Variants in DDX60L observed in about 807,000 individuals in gnomAD.
DDX60L encodes DExD/H-box 60 like.
Under a neutral mutation model 211.6 loss-of-function variants are expected in DDX60L, and 191 were observed. The ratio of observed to expected loss-of-function variants is 0.90; its 90% confidence interval spans 0.80 to 1.02. DDX60L has a LOEUF of 1.02. DDX60L is among the 50% of genes least tolerant of loss of function. The pLI is 0.00. For missense variants in DDX60L, 2,007 were observed against 1,984.1 expected, an observed-to-expected ratio of 1.01 and a Z score of -0.22; for synonymous variants, 706 against 694.1, an observed-to-expected ratio of 1.02 and a Z score of -0.27.
rs1738385117 is a variant in DDX60L at position 168,357,692 on chromosome 4, A to T, written c.*455T>A. 1 of 157,828 alleles carries T rather than the reference A, an allele frequency of 6.3e-6. No individual in the cohort carries two copies. Among genetic ancestry groups the T allele is most frequent in the Non-Finnish European group, 1.4e-5 (1 of 72,016 alleles). The allele number at this position is 157,828 out of a possible 1,614,324, so 9.8% of individuals were successfully genotyped here. On this transcript the variant is annotated 3_prime_UTR_variant, in exon 38 of 38. Coordinates refer to ENST00000682922, the MANE Select transcript of DDX60L (RefSeq NM_001012967.3). Reference sequence around the variant, plus strand: ...ACAGCAGTGAGTTTCTTGTAATCTCAGAAGTCTTCTTACATAACTAAATTG... The same window carrying T: ...ACAGCAGTGAGTTTCTTGTAATCTCTGAAGTCTTCTTACATAACTAAATTG...
chr4:168,453,976 TC>T (rs1276458598), intron 7 of DDX60L, among the ~76,000 whole-genome samples: 10 of 152,114 alleles, frequency 6.6e-5, no homozygotes, highest in African/African-American at 2.4e-4. Context: ...GAGACAGTGA[TC>T]CCTAGCCATC....
intron 36 of DDX60L, among the ~76,000 whole-genome samples, chr4:168,367,253 G>A (rs866552667): frequency 7.9e-5 from 12 of 152,234 alleles, no homozygotes; most frequent in Middle Eastern, 3.4e-3. Flanking sequence ...ACCACATGTC[G>A]TGGGAGGAAC....
At chr4:168,443,681 G>A (rs7356425) in intron 9 of DDX60L, among the ~76,000 whole-genome samples, 42,482 of 148,388 alleles carry the variant, frequency 0.29, 6,468 homozygotes, top group African/African-American at 0.4. Context: ...CGGATCTCTC[G>A]GCAGAAACCC....
rs755122153 is a variant in DDX60L at position 168,371,726 on chromosome 4, G to A, written c.4814C>T (p.Ala1605Val). 194 of 1,610,842 alleles carry A rather than the reference G, an allele frequency of 1.2e-4. No homozygotes were observed. Among genetic ancestry groups the A allele is most frequent in the Non-Finnish European group, 1.5e-4 (178 of 1,177,786 alleles). ...TAATTTCCATGGCCACAGCAGAGGA[G>A]CCTGAGTGCCACTAACACCGACTGT... Reference protein sequence around the residue: ...LRTVGVSGTQAPLLWPWKLDN... With the variant: ...LRTVGVSGTQVPLLWPWKLDN... The change falls in exon 36 of 38, where the codon GCT becomes GTT. Residue 1605 changes from alanine (A) to valine (V), a missense_variant. By Grantham distance (64) the Ala-to-Val change is moderately conservative (BLOSUM62 0). Transcript: ENST00000682922.
rs745893190 is a variant in DDX60L, at chr4:168,415,619, T to C, written c.2869+38A>G. The C allele has an allele frequency of 5.5e-6, 8 of 1,455,462 alleles. No homozygotes were observed. The African/African-American group carries it at 8.7e-5, about 16-fold the overall frequency. 90.2% of individuals were successfully genotyped at this position (1,455,462 alleles called of 1,614,324 possible). Reference sequence around the variant, plus strand: ...CTATAAAAAGCTTTGTAGTAAAATATAAAAATATATAGTAAAACATAAAAA... The same window carrying C: ...CTATAAAAAGCTTTGTAGTAAAATACAAAAATATATAGTAAAACATAAAAA... On this transcript the variant is annotated intron_variant, in intron 21 of 37. Transcript: ENST00000682922.
At chr4:168,402,467 T>G (rs1357017976) in intron 25 of DDX60L, among the ~76,000 whole-genome samples, 6 of 152,030 alleles carry the variant, frequency 3.9e-5, no homozygotes. Flanking sequence ...CAATCAGTCA[T>G]GTTTTCTACT....
intron 30 of DDX60L, 97 bp from the exon 31 acceptor site, chr4:168,379,927 G>T: frequency 4.1e-6 from 3 of 736,546 alleles, no homozygotes; most frequent in Non-Finnish European, 6.3e-6. Context: ...TATAGATAAG[G>T]TTACCAGATC....
At chr4:168,449,035 G>A (rs1755257369) in intron 8 of DDX60L, among the ~76,000 whole-genome samples, 2 of 152,048 alleles carry the variant, frequency 1.3e-5, no homozygotes, top group Non-Finnish European at 2.9e-5. Context: ...CCTTAATGTG[G>A]TACTAAAACT....
In DDX60L at chr4:168,358,282, T is replaced by C; in HGVS notation, c.4992-6A>G. 1 of 1,481,862 alleles carries C rather than the reference T, an allele frequency of 6.7e-7. No homozygotes were observed. Among genetic ancestry groups the C allele is most frequent in the Non-Finnish European group, 9.0e-7 (1 of 1,116,234 alleles). The allele number at this position is 1,481,862 out of a possible 1,614,324, so 91.8% of individuals were successfully genotyped here. A position where few individuals can be genotyped will look rare whatever the true frequency, so the allele number is the denominator to read the frequency against. On this transcript the variant is annotated splice_polypyrimidine_tract_variant and splice_region_variant and intron_variant, in intron 37 of 37. Coordinates refer to ENST00000682922, the MANE Select transcript of DDX60L (RefSeq NM_001012967.3). Reference sequence around the variant, plus strand: ...ATAGTTCACTCAAGGAGTCACTGTATAAATGATAATAATAATAAAAAAATA... The same window carrying C: ...ATAGTTCACTCAAGGAGTCACTGTACAAATGATAATAATAATAAAAAAATA...
At chr4:168,364,879 G>A (rs778013449) in intron 36 of DDX60L, among the ~76,000 whole-genome samples, 1 of 151,668 alleles carries the variant, frequency 6.6e-6, no homozygotes, top group Non-Finnish European at 1.5e-5. Flanking sequence ...GAAATGCTCT[G>A]GAAAATTTAC....
Position 168,378,351 on chromosome 4 carries a change from T to C in DDX60L, c.4485+3A>G, listed in dbSNP as rs753748011. 1.2e-5 allele frequency: 17 copies of C among 1,380,836 alleles called. No individual in the cohort carries two copies. In the South Asian group the frequency reaches 1.4e-4, roughly 11 times the overall value. 85.5% of individuals were successfully genotyped at this position (1,380,836 alleles called of 1,614,324 possible). A position where few individuals can be genotyped will look rare whatever the true frequency, so the allele number is the denominator to read the frequency against. On this transcript the variant is annotated splice_donor_region_variant and intron_variant, in intron 33 of 37. Transcript: ENST00000682922. ...ATATCATTGTAAGTATAACAAACTT[T>C]ACCTTTGACTGAGAAAAACTTAAAT...
rs3857035 is a variant in DDX60L at position 168,396,128 on chromosome 4, C to T, written c.3492-4G>A. ...CTTCTTTGGGTTTTTTTTAGTGCTA[C>T]TATTTAAAAAAAAAAAAAAACTTTT... On this transcript the variant is annotated splice_region_variant and splice_polypyrimidine_tract_variant and intron_variant, in intron 26 of 37. Coordinates refer to ENST00000682922, the MANE Select transcript of DDX60L (RefSeq NM_001012967.3). The T allele has an allele frequency of 0.57, 770,046 of 1,351,324 alleles. 223,483 individuals are homozygous for T. The highest frequency in any genetic ancestry group is 0.61 in the East Asian group (23,902 of 39,420). 83.7% of individuals were successfully genotyped at this position (1,351,324 alleles called of 1,614,324 possible). A position where few individuals can be genotyped will look rare whatever the true frequency, so the allele number is the denominator to read the frequency against.
intron 4 of DDX60L, among the ~76,000 whole-genome samples, chr4:168,463,965 T>A (rs570911273): frequency 2.6e-5 from 4 of 152,196 alleles, no homozygotes; most frequent in African/African-American, 9.6e-5. Flanking sequence ...AGTGCCTCTA[T>A]TGATTTGCCA....
At chr4:168,452,481 T>G (rs1443245600) in intron 8 of DDX60L, among the ~76,000 whole-genome samples, 1 of 152,218 alleles carries the variant, frequency 6.6e-6, no homozygotes, top group Non-Finnish European at 1.5e-5. Context: ...CCATTCTCCA[T>G]GATGTGATTA....
chr4:168,430,454 T>A (rs1233607179), intron 13 of DDX60L, 24 bp downstream of exon 13: 2 of 1,542,930 alleles, frequency 1.3e-6, no homozygotes, highest in Admixed American at 2.2e-5. Context: ...AAGAAAAAAA[T>A]TAGGTAAAAT....
rs1357567265 is a variant in DDX60L, at chr4:168,423,712, C to T, written c.1993G>A (p.Glu665Lys). Reference protein sequence around the residue: ...QMMKRIHSLLERYPEILEAEH... With the variant: ...QMMKRIHSLLKRYPEILEAEH... ...GCTTCCAAAATTTCTGGGTATCTCT[C>T]CAGGAGTGAATGAATCCTTTTCATC... Residue 665 changes from glutamate (E) to lysine (K), a missense_variant, in exon 15 of 38, where the codon GAG becomes AAG. Coordinates refer to ENST00000682922, the MANE Select transcript of DDX60L (RefSeq NM_001012967.3). The T allele has an allele frequency of 1.9e-6, 3 of 1,607,242 alleles. No individual in the cohort carries two copies. The African/African-American group carries it at 4.0e-5, about 22-fold the overall frequency.
At chr4:168,477,896 CT>C (rs1179588935) in intron 1 of DDX60L, among the ~76,000 whole-genome samples, 1 of 152,098 alleles carries the variant, frequency 6.6e-6, no homozygotes, top group Non-Finnish European at 1.5e-5. Flanking sequence ...AGAGAAATGT[CT>C]TAAGAAGGAA....
At chr4:168,439,580 G>A (rs1011361605) in intron 10 of DDX60L, among the ~76,000 whole-genome samples, 1 of 152,146 alleles carries the variant, frequency 6.6e-6, no homozygotes, top group Non-Finnish European at 1.5e-5. Flanking sequence ...AAACCTAACT[G>A]ATACACTTCC....
chr4:168,401,451 A>C (rs1370568730), intron 25 of DDX60L, among the ~76,000 whole-genome samples: 2 of 152,216 alleles, frequency 1.3e-5, no homozygotes, highest in Non-Finnish European at 2.9e-5. Flanking sequence ...TATTTGATTA[A>C]TGTCTCATAT....
Sources: gnomAD v4.1 joint callset for allele counts (sites outside exome capture counted in the v4.1 genomes callset) on GRCh38, gnomAD v4.1.1 for gene constraint, MANE v1.5 for transcripts, NCBI Gene and HGNC (gene_info 2026-07-23, HGNC 2026-07-21) for gene names.